The following ADGRL2 variants were observed in gnomAD, a reference collection of about 807,000 sequenced individuals.
The protein encoded by ADGRL2 is adhesion G protein-coupled receptor L2.
A neutral mutation model predicts 157.4 loss-of-function variants in ADGRL2; 44 were observed. That is an observed-to-expected ratio of 0.28 (90% CI 0.22 to 0.36). The LOEUF (loss-of-function observed/expected upper bound fraction) is 0.36, where lower values mean the gene tolerates loss of function less well. ADGRL2 is among the 10% of genes least tolerant of loss of function. ADGRL2 has a pLI of 1.00. For missense variants in ADGRL2, 1,510 were observed against 1,768.9 expected, an observed-to-expected ratio of 0.85 and a Z score of 2.63; for synonymous variants, 585 against 624.7, an observed-to-expected ratio of 0.94 and a Z score of 0.95.
At chr1:81,646,637 A>G (rs1292510499) in intron 3 of ADGRL2, among the ~76,000 whole-genome samples, 2 of 152,212 alleles carry the variant, frequency 1.3e-5, no homozygotes, top group Non-Finnish European at 2.9e-5. Context: ...TTTATGGGTC[A>G]GAAATATTTT....
intron 3 of ADGRL2, among the ~76,000 whole-genome samples, chr1:81,669,583 T>G (rs999481501): frequency 2.0e-5 from 3 of 152,120 alleles, no homozygotes; most frequent in Admixed American, 1.3e-4. Context: ...AAAGACATGT[T>G]AACTATTTAA....
chr1:81,793,402 T>C (rs562826013), intron 2 of ADGRL2, among the ~76,000 whole-genome samples: 3 of 152,254 alleles, frequency 2.0e-5, no homozygotes, highest in African/African-American at 4.8e-5. Flanking sequence ...ATTAGAATCA[T>C]TGGCCTCTGC....
intron 1 of ADGRL2, among the ~76,000 whole-genome samples, chr1:81,333,125 T>C (rs1343815264): frequency 6.6e-6 from 1 of 152,166 alleles, no homozygotes; most frequent in Admixed American, 6.5e-5. Context: ...ATAAATCATT[T>C]AAAAGGTGTT....
At chr1:81,804,239 C>T (rs969326111) in intron 1 of ADGRL2, among the ~76,000 whole-genome samples, 4 of 152,186 alleles carry the variant, frequency 2.6e-5, no homozygotes, top group Non-Finnish European at 5.9e-5. Flanking sequence ...CTCCACCCTT[C>T]CATAAATTTA....
At chr1:81,465,234 C>G (rs2078028323) in intron 2 of ADGRL2, among the ~76,000 whole-genome samples, 1 of 152,082 alleles carries the variant, frequency 6.6e-6, no homozygotes, top group East Asian at 1.9e-4. Context: ...AGCTATTCAG[C>G]AGTGTCAACT....
At chr1:81,438,503 C>T (rs897556258) in intron 1 of ADGRL2, among the ~76,000 whole-genome samples, 7 of 152,020 alleles carry the variant, frequency 4.6e-5, no homozygotes, top group Non-Finnish European at 5.9e-5. Flanking sequence ...TATCTCTTCC[C>T]GAGTCTGCAT....
chr1:81,837,709 T>C (rs1187059078), intron 2 of ADGRL2, among the ~76,000 whole-genome samples: 1 of 151,954 alleles, frequency 6.6e-6, no homozygotes, highest in Non-Finnish European at 1.5e-5. Flanking sequence ...AAGAAATAAA[T>C]ATACTTTTGA....
intron 1 of ADGRL2, among the ~76,000 whole-genome samples, chr1:81,701,067 T>A (rs1034162531): frequency 1.3e-5 from 2 of 152,212 alleles, no homozygotes; most frequent in Admixed American, 6.5e-5. Flanking sequence ...GCACACACGG[T>A]GCCTGCAGGC....
chr1:81,478,735 C>T (rs2078324019), intron 2 of ADGRL2, among the ~76,000 whole-genome samples: 1 of 152,150 alleles, frequency 6.6e-6, no homozygotes, highest in Non-Finnish European at 1.5e-5. Flanking sequence ...CTCACGATTT[C>T]TCTGTGGTTC....
intron 21 of ADGRL2, among the ~76,000 whole-genome samples, chr1:81,985,847 C>T (rs1384336906): frequency 6.6e-6 from 1 of 151,838 alleles, no homozygotes; most frequent in Non-Finnish European, 1.5e-5. Context: ...AGAGTATATG[C>T]ACACACATGT....
intron 3 of ADGRL2, among the ~76,000 whole-genome samples, chr1:81,640,502 G>A (rs546935168): frequency 6.6e-6 from 1 of 151,770 alleles, no homozygotes; most frequent in Non-Finnish European, 1.5e-5. Flanking sequence ...CGTGGTGGCG[G>A]GTGCCTGTAG....
At chr1:81,516,267 C>A (rs1045245526) in intron 2 of ADGRL2, among the ~76,000 whole-genome samples, 1 of 152,148 alleles carries the variant, frequency 6.6e-6, no homozygotes, top group Non-Finnish European at 1.5e-5. Context: ...ATGTATGCCT[C>A]TGCTTCTATG....
intron 7 of ADGRL2, 113 bp from the exon 8 acceptor site, chr1:81,950,905 G>C (rs1651568363): frequency 1.4e-6 from 1 of 693,244 alleles, no homozygotes; most frequent in Admixed American, 2.2e-5. Context: ...TCAAATACTT[G>C]CATTAGAGTT....
At chr1:81,468,783 G>C (rs78204767) in intron 2 of ADGRL2, among the ~76,000 whole-genome samples, 1 of 152,036 alleles carries the variant, frequency 6.6e-6, no homozygotes, top group Non-Finnish European at 1.5e-5. Flanking sequence ...CATCAACCTA[G>C]CATTTTTCAT....
intron 4 of ADGRL2, among the ~76,000 whole-genome samples, chr1:81,940,586 G>A (rs895749613): frequency 2.6e-5 from 4 of 151,568 alleles, no homozygotes; most frequent in African/African-American, 7.2e-5. Context: ...AAAAATGTTC[G>A]TGTGATGTTT....
At chr1:81,920,554 A>G (rs1478732712) in intron 3 of ADGRL2, among the ~76,000 whole-genome samples, 4 of 152,130 alleles carry the variant, frequency 2.6e-5, no homozygotes, top group African/African-American at 9.7e-5. Flanking sequence ...AATGAATGCC[A>G]GAGTACAAAG....
intron 2 of ADGRL2, among the ~76,000 whole-genome samples, chr1:81,778,478 T>G (rs1051296215): frequency 6.6e-6 from 1 of 152,140 alleles, no homozygotes; most frequent in Non-Finnish European, 1.5e-5. Context: ...GAAAAGAACA[T>G]CTAAGAGTAG....
intron 3 of ADGRL2, among the ~76,000 whole-genome samples, chr1:81,655,344 G>GA (rs775477096): frequency 3.3e-5 from 5 of 152,026 alleles, no homozygotes; most frequent in Admixed American, 6.6e-5. Context: ...CCATTTTCCA[G>GA]AAAAAGACAC....
chr1:81,745,071 A>C (rs189128590), intron 1 of ADGRL2, among the ~76,000 whole-genome samples: 58 of 152,274 alleles, frequency 3.8e-4, no homozygotes, highest in African/African-American at 1.4e-3. Flanking sequence ...GTCATTTCAG[A>C]GGGGGAATCA....
Sources: allele counts gnomAD v4.1 joint callset (sites outside exome capture counted in the v4.1 genomes callset), GRCh38; gene constraint gnomAD v4.1.1; transcripts MANE v1.5; gene names NCBI Gene and HGNC (gene_info 2026-07-23, HGNC 2026-07-21).